PRIM2: variants seen among roughly 807,000 people sequenced by gnomAD.
The protein encoded by PRIM2 is DNA primase large subunit.
Under a neutral mutation model 67.3 loss-of-function variants are expected in PRIM2, and 39 were observed. The observed-to-expected ratio is 0.58, with a 90% CI of 0.45 to 0.76. PRIM2 has a LOEUF of 0.76. PRIM2 is among the 30% of genes least tolerant of loss of function. The pLI is 0.00. For missense variants in PRIM2, 398 were observed against 598.7 expected, an observed-to-expected ratio of 0.66 and a Z score of 3.50; for synonymous variants, 143 against 198.7, an observed-to-expected ratio of 0.72 and a Z score of 2.36.
At chr6:57,530,065 C>A (rs1159206604) in intron 8 of PRIM2, among the ~76,000 whole-genome samples, 6 of 152,066 alleles carry the variant, frequency 3.9e-5, no homozygotes, top group Admixed American at 6.6e-5. Flanking sequence ...ATCTATTAAT[C>A]CTCTATCCAT....
At chr6:57,384,687 A>G (rs1770081176) in intron 7 of PRIM2, among the ~76,000 whole-genome samples, 1 of 152,128 alleles carries the variant, frequency 6.6e-6, no homozygotes, top group South Asian at 2.1e-4. Flanking sequence ...ACAATATCCC[A>G]AACAAAAATG....
At chr6:57,534,729 A>C (rs1323643727) in intron 9 of PRIM2, among the ~76,000 whole-genome samples, 1 of 152,078 alleles carries the variant, frequency 6.6e-6, no homozygotes, top group Non-Finnish European at 1.5e-5. Flanking sequence ...CATCATTTCT[A>C]TTTTATCTTC....
the PRIM2 span, among the ~76,000 whole-genome samples, chr6:57,290,803 T>C: frequency 1.6e-4 from 25 of 152,180 alleles, no homozygotes; most frequent in East Asian, 2.9e-3. Context: ...TTGAAACCAA[T>C]GCGAACAAAG....
chr6:57,236,927 A>AC, the PRIM2 span, among the ~76,000 whole-genome samples: 1 of 151,960 alleles, frequency 6.6e-6, no homozygotes, highest in Non-Finnish European at 1.5e-5. Context: ...TTGGGTAAAT[A>AC]CCAGTAATGG....
chr6:57,225,147 T>TA, the PRIM2 span, among the ~76,000 whole-genome samples: 1 of 152,230 alleles, frequency 6.6e-6, no homozygotes. Flanking sequence ...AAATGGTATA[T>TA]AAGCTCTTAG....
chr6:57,319,779 C>T (rs1767588732), intron 2 of PRIM2, among the ~76,000 whole-genome samples: 1 of 152,052 alleles, frequency 6.6e-6, no homozygotes. Flanking sequence ...TGGAGATGGG[C>T]ATGGCAGGAC....
At chr6:57,532,193 G>A (rs1366104402) in intron 8 of PRIM2, among the ~76,000 whole-genome samples, 1 of 152,204 alleles carries the variant, frequency 6.6e-6, no homozygotes, top group African/African-American at 2.4e-5. Context: ...TAGGAGTCAG[G>A]AGGTTCAGAC....
chr6:57,488,303 A>G (rs1445049163), intron 7 of PRIM2, among the ~76,000 whole-genome samples: 14 of 152,302 alleles, frequency 9.2e-5, no homozygotes, highest in Admixed American at 7.2e-4. Context: ...TTCTGGTGGT[A>G]TTGGTTGGAA....
chr6:57,638,916 A>G (rs1777175624), intron 13 of PRIM2, among the ~76,000 whole-genome samples: 1 of 152,200 alleles, frequency 6.6e-6, no homozygotes. Context: ...CCTAATAGAC[A>G]TCTACAGAAC....
At chr6:57,269,469 T>C in the PRIM2 span, among the ~76,000 whole-genome samples, 1 of 152,174 alleles carries the variant, frequency 6.6e-6, no homozygotes, top group African/African-American at 2.4e-5. Context: ...TTGCCCACTT[T>C]TTGATGGGAT....
chr6:57,286,770 A>C, the PRIM2 span, among the ~76,000 whole-genome samples: 175 of 152,334 alleles, frequency 1.1e-3, no homozygotes, highest in African/African-American at 3.2e-3. Context: ...GATCTAAATA[A>C]ACTAATAAGC....
the PRIM2 span, among the ~76,000 whole-genome samples, chr6:57,276,904 T>TAATG: frequency 6.6e-6 from 1 of 150,626 alleles, no homozygotes; most frequent in African/African-American, 2.4e-5. Flanking sequence ...AAAAAAGATA[T>TAATG]AATGATATAT....
At chr6:57,537,370 A>G in intron 9 of PRIM2, 70 bp from the exon 10 acceptor site, 1 of 760,274 alleles carries the variant, frequency 1.3e-6, no homozygotes, top group Admixed American at 2.9e-5. Flanking sequence ...ATTAGGAACC[A>G]TAACAAATAT....
chr6:57,571,706 C>G (rs1433593785), intron 10 of PRIM2, among the ~76,000 whole-genome samples: 1 of 152,124 alleles, frequency 6.6e-6, no homozygotes, highest in Non-Finnish European at 1.5e-5. Context: ...TGAATGCATT[C>G]CCTTCTTACT....
At chr6:57,394,573 C>T (rs1230702919) in intron 7 of PRIM2, among the ~76,000 whole-genome samples, 2 of 151,934 alleles carry the variant, frequency 1.3e-5, no homozygotes, top group East Asian at 3.9e-4. Flanking sequence ...TGGAGGAGTC[C>T]TTAGGGTTTC....
At chr6:57,396,496 G>T (rs1770519367) in intron 7 of PRIM2, among the ~76,000 whole-genome samples, 1 of 152,154 alleles carries the variant, frequency 6.6e-6, no homozygotes, top group African/African-American at 2.4e-5. Flanking sequence ...GTGTCCATTT[G>T]CATGAAATGC....
chr6:57,509,000 T>C (rs1774305034), intron 8 of PRIM2, among the ~76,000 whole-genome samples: 1 of 152,190 alleles, frequency 6.6e-6, no homozygotes, highest in Non-Finnish European at 1.5e-5. Flanking sequence ...CTTTTTAAAC[T>C]TCTCTTTCAG....
chr6:57,459,601 C>T (rs1407081), intron 7 of PRIM2, among the ~76,000 whole-genome samples: 3 of 152,058 alleles, frequency 2.0e-5, no homozygotes, highest in Admixed American at 6.5e-5. Context: ...TAGGGCTGCC[C>T]GGAAACTCAG....
chr6:57,392,069 T>C (rs1770369762), intron 7 of PRIM2, among the ~76,000 whole-genome samples: 1 of 152,160 alleles, frequency 6.6e-6, no homozygotes, highest in Admixed American at 6.6e-5. Context: ...TTTGTAATTC[T>C]TATTGTTGCG....
Sources: allele counts gnomAD v4.1 joint callset (sites outside exome capture counted in the v4.1 genomes callset), GRCh38; gene constraint gnomAD v4.1.1; transcripts MANE v1.5; gene names NCBI Gene and HGNC (gene_info 2026-07-23, HGNC 2026-07-21).